Variants in TRIM67 observed in about 807,000 individuals in gnomAD.
TRIM67 encodes tripartite motif-containing protein 67.
In TRIM67, 39 loss-of-function variants were observed where a neutral mutation model predicts 71.0. The ratio of observed to expected loss-of-function variants is 0.55; its 90% CI spans 0.43 to 0.72. The LOEUF is 0.72. TRIM67 is among the 30% of genes least tolerant of loss of function. The pLI is 0.00. For synonymous variants in TRIM67, 481 were observed against 473.9 expected, an observed-to-expected ratio of 1.01 and a Z score of -0.19; for missense variants, 973 against 1,079.2, an observed-to-expected ratio of 0.90 and a Z score of 1.38.
chr1:231,176,671 A>G (rs1682756333), intron 1 of TRIM67, among the ~76,000 whole-genome samples: 1 of 152,156 alleles, frequency 6.6e-6, no homozygotes, highest in Admixed American at 6.5e-5. Flanking sequence ...AACTCAGACT[A>G]CCAATCCTTT....
intron 1 of TRIM67, among the ~76,000 whole-genome samples, chr1:231,189,724 T>A (rs956109652): frequency 6.6e-6 from 1 of 151,994 alleles, no homozygotes; most frequent in East Asian, 1.9e-4. Flanking sequence ...AGGGTTCTAA[T>A]CCCCTTCATG....
Position 231,163,133 on chromosome 1 carries a change from C to T in TRIM67, c.164C>T (p.Ser55Leu), listed in dbSNP as rs892371011. Residue 55 changes from serine to leucine, a missense_variant, in exon 1 of 10, where the codon TCG becomes TTG. By Grantham distance (145) the Ser-to-Leu change is moderately radical. Coordinates refer to ENST00000366653, the MANE Select transcript of TRIM67 (RefSeq NM_001004342.5). The part of the protein sequence containing the change: ...LPQPLLLSRG[S>L]GLQAGAAAAA... ...CAGCCGCTCCTGCTTTCCCGGGGAT[C>T]GGGGCTGCAGGCGGGCGCCGCCGCC... 7.8e-6 allele frequency: 12 copies of T among 1,547,232 alleles called. No homozygotes were observed. In the East Asian group the frequency reaches 2.5e-4, roughly 32 times the overall value.
chr1:231,185,974 T>C, intron 1 of TRIM67: 1 of 918,702 alleles, frequency 1.1e-6, no homozygotes, highest in South Asian at 1.5e-5. Flanking sequence ...GGCTCATAAC[T>C]AGAGGAGACG....
chr1:231,196,768 C>A (rs1432567941), intron 1 of TRIM67, among the ~76,000 whole-genome samples: 1 of 152,216 alleles, frequency 6.6e-6, no homozygotes, highest in African/African-American at 2.4e-5. Flanking sequence ...GGTCACACCC[C>A]TCTCTGCAGG....
chr1:231,191,442 C>T (rs981247163), intron 1 of TRIM67, among the ~76,000 whole-genome samples: 1 of 152,148 alleles, frequency 6.6e-6, no homozygotes, highest in Non-Finnish European at 1.5e-5. Context: ...AAAACAAAGC[C>T]GCTCTCCGCG....
At position 231,209,764 on chromosome 1, in the gene TRIM67, G is replaced by A. The variant is rs1683817339; in HGVS notation, c.2123+514G>A. On this transcript the variant is annotated intron_variant, in intron 8 of 9. Coordinates refer to ENST00000366653, the MANE Select transcript of TRIM67 (RefSeq NM_001004342.5). The surrounding 1 kb of genome is among the most constrained non-coding windows in gnomAD (Gnocchi z 4.1). The stretch of plus-strand genomic sequence containing the variant: ...AGGGCAGTAGCAGAGGGCATGGCTG[G>A]GGTGCTCACTACTAACGAGCCTGCC... Among the ~76,000 whole-genome samples, 1 of 152,212 alleles carries A rather than the reference G, an allele frequency of 6.6e-6. No homozygotes were observed. The highest frequency in any genetic ancestry group is 6.5e-5 in the Admixed American group (1 of 15,282).
chr1:231,164,445 G>T (rs1246369946), intron 1 of TRIM67, among the ~76,000 whole-genome samples: 1 of 152,158 alleles, frequency 6.6e-6, no homozygotes, highest in Non-Finnish European at 1.5e-5. Context: ...ATCTGATACT[G>T]CGAGAAAGAG....
intron 7 of TRIM67, 110 bp from the exon 8 acceptor site, chr1:231,208,836 TG>T: frequency 9.4e-7 from 1 of 1,068,818 alleles, no homozygotes; most frequent in Non-Finnish European, 1.4e-6. Context: ...CCTTCACTTC[TG>T]GGTGCCGACT....
rs1682360362 is a variant in TRIM67, at chr1:231,163,610, C to A, written c.641C>A (p.Thr214Asn). 1 of 1,518,360 alleles carries A rather than the reference C, an allele frequency of 6.6e-7. No individual in the cohort carries two copies. Among genetic ancestry groups the A allele is most frequent in the Non-Finnish European group, 8.8e-7 (1 of 1,136,964 alleles). 94.1% of individuals were successfully genotyped at this position (1,518,360 alleles called of 1,614,324 possible). A position where few individuals can be genotyped will look rare whatever the true frequency, so the allele number is the denominator to read the frequency against. Residue 214 changes from threonine (T) to asparagine (N), a missense_variant, in exon 1 of 10, where the codon ACC (threonine) becomes AAC (asparagine). Coordinates refer to ENST00000366653, the MANE Select transcript of TRIM67 (RefSeq NM_001004342.5). Reference sequence around the variant, plus strand: ...GCCATCTGCCAGCTGTGCGACCGCACCCCGCCAGAGCCAGCAGCCACGCTC... The same window carrying A: ...GCCATCTGCCAGCTGTGCGACCGCAACCCGCCAGAGCCAGCAGCCACGCTC... ...AVAICQLCDR[T>N]PPEPAATLCE...
At chr1:231,166,093 A>C (rs1682455648) in intron 1 of TRIM67, among the ~76,000 whole-genome samples, 1 of 152,220 alleles carries the variant, frequency 6.6e-6, no homozygotes, top group Admixed American at 6.5e-5. Context: ...CTCAGCCAAC[A>C]ATGCAAAGTT....
intron 2 of TRIM67, among the ~76,000 whole-genome samples, chr1:231,198,371 G>A (rs960352486): frequency 2.6e-5 from 4 of 152,014 alleles, no homozygotes; most frequent in African/African-American, 9.7e-5. Context: ...TAACATATCT[G>A]GAGGAATAAG....
intron 1 of TRIM67, among the ~76,000 whole-genome samples, chr1:231,182,532 TAAGG>T (rs1161477764): frequency 1.3e-5 from 2 of 152,016 alleles, no homozygotes; most frequent in African/African-American, 4.8e-5. Context: ...CAATCCAGCA[TAAGG>T]AAGGGACACT....
chr1:231,177,844 C>T (rs1258178890), intron 1 of TRIM67, among the ~76,000 whole-genome samples: 2 of 152,126 alleles, frequency 1.3e-5, no homozygotes, highest in Non-Finnish European at 2.9e-5. Context: ...TCCCAGTACC[C>T]ATCAGAGCAT....
intron 1 of TRIM67, 103 bp from the exon 2 acceptor site, chr1:231,197,268 C>A: frequency 2.4e-6 from 2 of 834,148 alleles, no homozygotes; most frequent in Admixed American, 2.1e-5. Context: ...TGCGTGGGAT[C>A]AGTCCTATCC....
Position 231,215,469 on chromosome 1 carries a change from GAC to G in TRIM67, c.*31_*32del. 2 of 1,572,038 alleles carry G rather than the reference GAC, an allele frequency of 1.3e-6. No individual in the cohort carries two copies. Among genetic ancestry groups the G allele is most frequent in the Non-Finnish European group, 1.7e-6 (2 of 1,155,422 alleles). ...CGCTCCAGCTCGGCACTGTGCCTGTGACAGTGACATTCACAGGCAAAACGCCC... is the reference window on the plus strand; with the variant it reads ...CGCTCCAGCTCGGCACTGTGCCTGTGAGTGACATTCACAGGCAAAACGCCC... On this transcript the variant is annotated 3_prime_UTR_variant, in exon 10 of 10. Coordinates refer to ENST00000366653, the MANE Select transcript of TRIM67 (RefSeq NM_001004342.5).
chr1:231,215,654 A>G lies in TRIM67; in HGVS notation c.*214A>G, dbSNP rs1031593101. 1.9e-5 allele frequency: 25 copies of G among 1,337,712 alleles called. No homozygotes were observed. The highest frequency in any genetic ancestry group is 3.0e-5 in the African/African-American group (2 of 67,370). 82.9% of individuals were successfully genotyped at this position (1,337,712 alleles called of 1,614,324 possible). On this transcript the variant is annotated 3_prime_UTR_variant, in exon 10 of 10. Transcript: ENST00000366653. ...AGCTGCCACTGTCAGTGGCAAAGGA[A>G]GGTACGTGTGTCACCCTTATTCCAC...
chr1:231,213,055 AG>A (rs1683916666), intron 8 of TRIM67, among the ~76,000 whole-genome samples: 1 of 152,124 alleles, frequency 6.6e-6, no homozygotes, highest in African/African-American at 2.4e-5. Flanking sequence ...AATGTTGAGT[AG>A]GGGCCTTTCA....
Position 231,219,501 on chromosome 1 carries a change from C to CA in TRIM67, c.*4062dup. 2.8e-6 allele frequency: 3 copies of CA among 1,067,942 alleles called. No homozygotes were observed. Among genetic ancestry groups the CA allele is most frequent in the Non-Finnish European group, 3.4e-6 (3 of 879,866 alleles). The allele number at this position is 1,067,942 out of a possible 1,614,324, so 66.2% of individuals were successfully genotyped here. A position where few individuals can be genotyped will look rare whatever the true frequency, so the allele number is the denominator to read the frequency against. Reference sequence around the variant, plus strand: ...AAGCCCAGGATTTTCCATGTGTCTTCAGGGGGCAGGTAGGGGAAAATGGGG... The same window carrying CA: ...AAGCCCAGGATTTTCCATGTGTCTTCAAGGGGGCAGGTAGGGGAAAATGGGG... On this transcript the variant is annotated 3_prime_UTR_variant, in exon 10 of 10. Transcript: ENST00000366653.
chr1:231,196,226 G>T (rs1015478811), intron 1 of TRIM67, among the ~76,000 whole-genome samples: 1 of 152,284 alleles, frequency 6.6e-6, no homozygotes, highest in African/African-American at 2.4e-5. Context: ...GAGGGGACTT[G>T]GGGGAGAAGG....
Sources: allele counts gnomAD v4.1 joint callset (sites outside exome capture counted in the v4.1 genomes callset), GRCh38; gene constraint gnomAD v4.1.1; non-coding constraint Gnocchi (gnomAD v3.1); transcripts MANE v1.5; gene names NCBI Gene and HGNC (gene_info 2026-07-23, HGNC 2026-07-21).